The following OTUD7A variants were observed in gnomAD, a reference collection of about 807,000 sequenced individuals.
OTUD7A encodes OTU deubiquitinase 7A.
A neutral mutation model predicts 65.7 loss-of-function variants in OTUD7A; 12 were observed. The observed-to-expected ratio is 0.18, with a 90% CI of 0.12 to 0.30. The LOEUF is 0.30. OTUD7A is among the 10% of genes least tolerant of loss of function. OTUD7A has a pLI of 1.00. For synonymous variants in OTUD7A, 641 were observed against 586.3 expected, an observed-to-expected ratio of 1.09 and a Z score of -1.35; for missense variants, 1,148 against 1,304.8, an observed-to-expected ratio of 0.88 and a Z score of 1.85.
intron 1 of OTUD7A, chr15:31,766,872 T>C: frequency 1.9e-6 from 3 of 1,611,002 alleles, no homozygotes; most frequent in East Asian, 2.2e-5. Context: ...AGACACTGGA[T>C]GCCTCTTTAC....
intron 8 of OTUD7A, among the ~76,000 whole-genome samples, chr15:31,510,611 C>T (rs62637726): frequency 0.5 from 5,581 of 11,254 alleles, 1,676 homozygotes; most frequent in African/African-American, 0.74. Flanking sequence ...ATGTAACATA[C>T]ATATGTATAT....
At chr15:31,647,528 C>T (rs1482640441) in intron 3 of OTUD7A, among the ~76,000 whole-genome samples, 1 of 152,218 alleles carries the variant, frequency 6.6e-6, no homozygotes, top group Non-Finnish European at 1.5e-5. Flanking sequence ...TGCTTTCTCA[C>T]TTCCTCAAAT....
intron 4 of OTUD7A, among the ~76,000 whole-genome samples, chr15:31,560,130 G>A (rs1039820875): frequency 6.6e-6 from 1 of 152,192 alleles, no homozygotes; most frequent in Non-Finnish European, 1.5e-5. Flanking sequence ...AAGGGAGACC[G>A]CTCTTTGTCT....
intron 1 of OTUD7A, among the ~76,000 whole-genome samples, chr15:31,750,130 G>A (rs558663913): frequency 1.2e-4 from 18 of 152,266 alleles, no homozygotes; most frequent in Middle Eastern, 3.4e-3. Flanking sequence ...ATGTTCGACC[G>A]GGCATGGTGG....
chr15:31,571,024 T>C (rs1172616699), intron 3 of OTUD7A, among the ~76,000 whole-genome samples: 6 of 152,156 alleles, frequency 3.9e-5, no homozygotes, highest in Non-Finnish European at 7.3e-5. Context: ...TAACTAGAAA[T>C]GTAGATTTGG....
chr15:31,685,229 T>C (rs1173836077), intron 1 of OTUD7A, among the ~76,000 whole-genome samples: 1 of 152,236 alleles, frequency 6.6e-6, no homozygotes, highest in Non-Finnish European at 1.5e-5. Flanking sequence ...AATTGATAGC[T>C]TATGACTTTT....
chr15:31,642,625 C>T (rs1296177040), intron 3 of OTUD7A, among the ~76,000 whole-genome samples: 45 of 151,734 alleles, frequency 3.0e-4, no homozygotes, highest in Non-Finnish European at 2.4e-4. Flanking sequence ...GTATTTTGTA[C>T]CTTTCAAATA....
chr15:31,574,089 G>A (rs549996436), intron 3 of OTUD7A, among the ~76,000 whole-genome samples: 13 of 152,100 alleles, frequency 8.5e-5, no homozygotes, highest in African/African-American at 1.2e-4. Flanking sequence ...GAGGCATATA[G>A]GGAATAAACT....
At chr15:31,860,928 G>GAGA (rs1897725259) in intron 1 of OTUD7A, among the ~76,000 whole-genome samples, 1 of 144,062 alleles carries the variant, frequency 6.9e-6, no homozygotes, top group East Asian at 2.0e-4. Context: ...ACCATGTTAG[G>GAGA]CAGGATGGTC....
intron 1 of OTUD7A, among the ~76,000 whole-genome samples, chr15:31,852,436 C>G (rs371852390): frequency 6.6e-5 from 10 of 152,196 alleles, no homozygotes; most frequent in African/African-American, 2.2e-4. Context: ...TAACATATAA[C>G]TATTTTAAAC....
chr15:31,712,085 C>T (rs894818642), intron 1 of OTUD7A, among the ~76,000 whole-genome samples: 2 of 151,720 alleles, frequency 1.3e-5, no homozygotes, highest in Admixed American at 6.6e-5. Flanking sequence ...CTGCTTAGGG[C>T]GGTGCAGAGG....
Position 31,655,168 on chromosome 15 carries a change from T to C in OTUD7A, c.79A>G (p.Met27Val). Residue 27 changes from methionine (M) to valine (V), a missense_variant, in exon 3 of 13, where the codon ATG becomes GTG. By Grantham distance (21) the Met-to-Val change is conservative. This residue lies in a region of OTUD7A where 38 missense variants were observed against 85.7 expected (regional missense o/e 0.44). Transcript: ENST00000307050. ...ACAAAGTCTGACAGGACTGCGTCCA[T>C]ATCAAGAGTCATAGGATCATGTAGA... ...ALLHDPMTLD[M>V]DAVLSDFVRS... 6.4e-7 allele frequency: 1 copy of C among 1,551,680 alleles called. No homozygotes were observed. The highest frequency in any genetic ancestry group is 8.7e-7 in the Non-Finnish European group (1 of 1,147,410).
chr15:31,739,286 C>T (rs1361820288), intron 1 of OTUD7A, among the ~76,000 whole-genome samples: 1 of 152,164 alleles, frequency 6.6e-6, no homozygotes, highest in Non-Finnish European at 1.5e-5. Flanking sequence ...TACTAGTCGC[C>T]TGATGTCATC....
chr15:31,479,668 G>GGT lies in OTUD7A; in HGVS notation c.*3625_*3626insAC, dbSNP rs1327446315. 6.8e-6 allele frequency: 1 copy of GGT among 146,896 alleles called. No homozygotes were observed. The highest frequency in any genetic ancestry group is 1.5e-5 in the Non-Finnish European group (1 of 66,484). The allele number at this position is 146,896 out of a possible 1,614,324, so 9.1% of individuals were successfully genotyped here. On this transcript the variant is annotated 3_prime_UTR_variant, in exon 13 of 13. Transcript: ENST00000307050. ...AAGTTTGTGGACACTAAGTGGGGGG[G>GGT]GGGGGTGATGGGCCCATGACCCCTC...
intron 1 of OTUD7A, among the ~76,000 whole-genome samples, chr15:31,697,943 C>G (rs574533439): frequency 3.9e-5 from 6 of 152,322 alleles, no homozygotes; most frequent in African/African-American, 1.4e-4. Context: ...TCTCCGCCAT[C>G]TAAAAAGTCA....
At chr15:31,642,093 T>C (rs1891533772) in intron 3 of OTUD7A, among the ~76,000 whole-genome samples, 2 of 151,726 alleles carry the variant, frequency 1.3e-5, no homozygotes, top group South Asian at 4.2e-4. Flanking sequence ...CTTCTATTCC[T>C]AGTTTTCTGA....
At chr15:31,733,073 G>A (rs1293783223) in intron 1 of OTUD7A, among the ~76,000 whole-genome samples, 9 of 152,186 alleles carry the variant, frequency 5.9e-5, no homozygotes, top group Non-Finnish European at 1.3e-4. Context: ...GCCACAGTGG[G>A]CTCTGGAGCC....
chr15:31,860,015 T>C (rs1191864560), intron 1 of OTUD7A, among the ~76,000 whole-genome samples: 5 of 152,204 alleles, frequency 3.3e-5, no homozygotes, highest in African/African-American at 4.8e-5. Context: ...TCACATGTCT[T>C]TTCTTCCATT....
chr15:31,603,954 G>T (rs1308563081), intron 3 of OTUD7A, among the ~76,000 whole-genome samples: 2 of 152,212 alleles, frequency 1.3e-5, no homozygotes, highest in Non-Finnish European at 2.9e-5. Context: ...ACAGATGCTG[G>T]AGAGGATGTG....
Sources: allele counts gnomAD v4.1 joint callset (sites outside exome capture counted in the v4.1 genomes callset), GRCh38; gene constraint gnomAD v4.1.1; regional missense constraint gnomAD v4.1.1; transcripts MANE v1.5; gene names NCBI Gene and HGNC (gene_info 2026-07-23, HGNC 2026-07-21).